Variants in DOCK10 observed in about 807,000 individuals in gnomAD.
DOCK10 encodes dedicator of cytokinesis 10, also known as dedicator of cytokinesis protein 10.
In DOCK10, 145 loss-of-function variants were observed where a neutral mutation model predicts 280.1. The ratio of observed to expected loss-of-function variants is 0.52; its 90% CI spans 0.45 to 0.59. The LOEUF is 0.59. Among genes scored for constraint, DOCK10 ranks in the 20% least tolerant of loss-of-function variants. The pLI is 0.00. For synonymous variants in DOCK10, 915 were observed against 942.2 expected, an observed-to-expected ratio of 0.97 and a Z score of 0.53; for missense variants, 2,368 against 2,651.7, an observed-to-expected ratio of 0.89 and a Z score of 2.35.
chr2:224,849,991 G>A (rs1023407604), intron 18 of DOCK10, among the ~76,000 whole-genome samples: 3 of 152,036 alleles, frequency 2.0e-5, no homozygotes, highest in Admixed American at 1.3e-4. Flanking sequence ...AATGAGATGC[G>A]GGCCAAGCTG....
chr2:224,959,778 G>A (rs553858490), intron 1 of DOCK10, among the ~76,000 whole-genome samples: 2 of 152,240 alleles, frequency 1.3e-5, no homozygotes, highest in African/African-American at 2.4e-5. Flanking sequence ...GCTGCAAAAC[G>A]GAAGCCGACA....
At chr2:224,787,178 A>G in intron 49 of DOCK10, 43 bp from the exon 50 acceptor site, 2 of 1,607,544 alleles carry the variant, frequency 1.2e-6, no homozygotes, top group Non-Finnish European at 1.7e-6. Flanking sequence ...TGATGCTGTC[A>G]TACAAATAAG....
chr2:224,983,429 T>C, intron 1 of DOCK10: 1 of 184,970 alleles, frequency 5.4e-6, no homozygotes, highest in Non-Finnish European at 1.2e-5. Context: ...ATGAGGAAAG[T>C]ATGAAATCCC....
intron 31 of DOCK10, among the ~76,000 whole-genome samples, chr2:224,813,366 T>G (rs939044333): frequency 1.3e-5 from 2 of 152,172 alleles, no homozygotes; most frequent in East Asian, 3.9e-4. Flanking sequence ...CAGCTGATTT[T>G]TCTATTTTTA....
chr2:225,035,551 T>TA (rs370174267), intron 1 of DOCK10, among the ~76,000 whole-genome samples: 6,245 of 32,376 alleles, frequency 0.19, 490 homozygotes, highest in Middle Eastern at 0.28. Flanking sequence ...ATTATATATA[T>TA]ATATATATAT....
In DOCK10 at chr2:224,983,502, T is replaced by C. The variant is rs1032330018; in HGVS notation, c.124-51834A>G. 2.2e-4 allele frequency: 32 copies of C among 148,766 alleles called. No homozygotes were observed. In the African/African-American group the frequency reaches 2.2e-3, roughly 10 times the overall value. 9.2% of individuals were successfully genotyped at this position (148,766 alleles called of 1,614,324 possible). The stretch of plus-strand genomic sequence containing the variant: ...ATTCTTCCAGTGTAACTCTTGGAGA[T>C]TCAAAGAAAAAAAAATGTTTTCTGT... On this transcript the variant is annotated intron_variant, in intron 1 of 55. Coordinates refer to ENST00000258390, the MANE Select transcript of DOCK10 (RefSeq NM_014689.3).
intron 1 of DOCK10, among the ~76,000 whole-genome samples, chr2:224,990,135 T>C (rs1210077765): frequency 6.6e-6 from 1 of 152,240 alleles, no homozygotes; most frequent in Admixed American, 6.5e-5. Context: ...AATTCTTTCG[T>C]TGGTACATTT....
chr2:224,947,941 G>A (rs1703521052), intron 1 of DOCK10, among the ~76,000 whole-genome samples: 1 of 152,034 alleles, frequency 6.6e-6, no homozygotes, highest in Admixed American at 6.5e-5. Flanking sequence ...ATAAATTAGG[G>A]ATTTACATTT....
At chr2:224,944,382 A>C (rs1559831513) in intron 1 of DOCK10, among the ~76,000 whole-genome samples, 1 of 152,192 alleles carries the variant, frequency 6.6e-6, no homozygotes, top group Non-Finnish European at 1.5e-5. Flanking sequence ...GGAAATGGAA[A>C]TATTTTACTT....
chr2:224,835,169 A>C (rs1054729095), intron 25 of DOCK10, among the ~76,000 whole-genome samples: 1 of 152,240 alleles, frequency 6.6e-6, no homozygotes, highest in African/African-American at 2.4e-5. Context: ...CAAAGGAGAA[A>C]GATGAAGTTA....
chr2:224,928,074 G>T (rs908829217), intron 2 of DOCK10, among the ~76,000 whole-genome samples: 1 of 152,142 alleles, frequency 6.6e-6, no homozygotes, highest in East Asian at 1.9e-4. Flanking sequence ...CTGATGAAAT[G>T]ACATGCTTGC....
At chr2:225,011,741 C>G (rs1228092365) in intron 1 of DOCK10, among the ~76,000 whole-genome samples, 1 of 152,106 alleles carries the variant, frequency 6.6e-6, no homozygotes, top group Admixed American at 6.5e-5. Flanking sequence ...AGCAGGGAGG[C>G]CACGTCAATA....
At chr2:224,949,176 C>T (rs1703593561) in intron 1 of DOCK10, among the ~76,000 whole-genome samples, 1 of 152,220 alleles carries the variant, frequency 6.6e-6, no homozygotes, top group South Asian at 2.1e-4. Flanking sequence ...AGGCTTTCTT[C>T]TCCTCGTTTC....
At position 224,862,606 on chromosome 2, in the gene DOCK10, G is replaced by C. The variant is rs1339188915; in HGVS notation, c.1685+58C>G. 3.5e-6 allele frequency: 5 copies of C among 1,423,160 alleles called. No individual in the cohort carries two copies. The Admixed American group carries it at 8.6e-5, about 24-fold the overall frequency. 88.2% of individuals were successfully genotyped at this position (1,423,160 alleles called of 1,614,324 possible). ...CAACACAAAAACGTTCAAAACTGAA[G>C]CTTCCAATGCCACCATTAAATGTAT... On this transcript the variant is annotated intron_variant, in intron 14 of 55. Transcript: ENST00000258390.
intron 2 of DOCK10, among the ~76,000 whole-genome samples, chr2:224,921,108 A>ATATATATATATATAT (rs1553613930): frequency 5.6e-5 from 4 of 71,076 alleles, no homozygotes; most frequent in African/African-American, 4.1e-4. Context: ...AAAAAAAAAA[A>ATATATATATATATAT]AAAAATATAT....
intron 53 of DOCK10, among the ~76,000 whole-genome samples, chr2:224,771,539 G>T (rs1189906385): frequency 6.6e-6 from 1 of 152,198 alleles, no homozygotes; most frequent in Non-Finnish European, 1.5e-5. Context: ...TTCAATTCAT[G>T]CTCATGCCCA....
chr2:224,971,134 A>G (rs919821527), intron 1 of DOCK10, among the ~76,000 whole-genome samples: 1 of 152,216 alleles, frequency 6.6e-6, no homozygotes, highest in African/African-American at 2.4e-5. Context: ...CTAACATTTT[A>G]TTCTATATAA....
At chr2:224,960,173 C>T (rs1349685744) in intron 1 of DOCK10, among the ~76,000 whole-genome samples, 2 of 152,140 alleles carry the variant, frequency 1.3e-5, no homozygotes, top group Non-Finnish European at 2.9e-5. Flanking sequence ...CATTTATTAT[C>T]ATTATTATAA....
chr2:224,880,944 G>A (rs528084202), intron 7 of DOCK10, among the ~76,000 whole-genome samples: 4 of 150,832 alleles, frequency 2.7e-5, no homozygotes, highest in Non-Finnish European at 5.9e-5. Flanking sequence ...TCCACTCTCT[G>A]TAGGTTTATT....
Sources: allele counts gnomAD v4.1 joint callset (sites outside exome capture counted in the v4.1 genomes callset), GRCh38; gene constraint gnomAD v4.1.1; transcripts MANE v1.5; gene names NCBI Gene and HGNC (gene_info 2026-07-23, HGNC 2026-07-21).